Variants in MITF observed in about 807,000 individuals in gnomAD.
The protein encoded by MITF is melanocyte inducing transcription factor, also known as microphthalmia-associated transcription factor.
A neutral mutation model predicts 60.5 loss-of-function variants in MITF; 17 were observed. The observed-to-expected ratio is 0.28, with a 90% CI of 0.19 to 0.42. The LOEUF (loss-of-function observed/expected upper bound fraction) is 0.42. MITF is among the 10% of genes least tolerant of loss of function. The pLI, the probability that MITF is intolerant of heterozygous loss-of-function variation, is 1.00. For synonymous variants in MITF, 260 were observed against 248.5 expected, an observed-to-expected ratio of 1.05 and a Z score of -0.43; for missense variants, 622 against 683.5, an observed-to-expected ratio of 0.91 and a Z score of 1.00.
rs187732055 is a variant in MITF, at chr3:69,945,783, C to G, written c.763-3268C>G. Among the ~76,000 whole-genome samples the G allele has an allele frequency of 1.8e-4, 28 of 152,284 alleles. 1 individual carries two copies. In the South Asian group the frequency reaches 2.1e-3, roughly 11 times the overall value. On this transcript the variant is annotated intron_variant, in intron 5 of 9. Coordinates refer to ENST00000352241, the MANE Select transcript of MITF (RefSeq NM_001354604.2). ...GCCTTCACCCACTGGATGCCAGCAG[C>G]AAATCCCCTGCAGGTGCATCAACTG...
intron 1 of MITF, among the ~76,000 whole-genome samples, chr3:69,870,169 A>T (rs1314110904): frequency 1.3e-4 from 19 of 151,074 alleles, no homozygotes; most frequent in Admixed American, 5.3e-4. Context: ...AGGCAAAAAA[A>T]AAAAAGCCAG....
chr3:69,906,754 T>A (rs925969786), intron 2 of MITF, among the ~76,000 whole-genome samples: 1 of 152,164 alleles, frequency 6.6e-6, no homozygotes, highest in Admixed American at 6.5e-5. Context: ...GTAGGATCTG[T>A]CCAGGACTAT....
chr3:69,876,200 T>C (rs1029275326), intron 1 of MITF, among the ~76,000 whole-genome samples: 8 of 152,204 alleles, frequency 5.3e-5, no homozygotes, highest in East Asian at 1.9e-4. Flanking sequence ...TTACTGTTAA[T>C]TGAAAGGATT....
intron 7 of MITF, among the ~76,000 whole-genome samples, chr3:69,955,310 A>G (rs1246796981): frequency 6.6e-6 from 1 of 152,206 alleles, no homozygotes; most frequent in Non-Finnish European, 1.5e-5. Flanking sequence ...GTAAATGTTT[A>G]CGTTGATTGC....
chr3:69,929,383 C>CTGGGG (rs1254522987), intron 2 of MITF, among the ~76,000 whole-genome samples: 1 of 151,994 alleles, frequency 6.6e-6, no homozygotes, highest in Non-Finnish European at 1.5e-5. Context: ...GGTAATGCTC[C>CTGGGG]TGGGGTGGGG....
chr3:69,938,339 C>T, intron 3 of MITF: 1 of 1,567,978 alleles, frequency 6.4e-7, no homozygotes, highest in Non-Finnish European at 8.7e-7. Flanking sequence ...CTCTTCTCTT[C>T]CATGCCTTTC....
At chr3:69,904,575 A>G (rs181266032) in intron 2 of MITF, among the ~76,000 whole-genome samples, 28 of 152,242 alleles carry the variant, frequency 1.8e-4, no homozygotes, top group African/African-American at 6.7e-4. Context: ...TCTCTCCTCC[A>G]ATCTCTACTC....
intron 1 of MITF, among the ~76,000 whole-genome samples, chr3:69,849,828 C>G (rs1458904395): frequency 3.3e-5 from 5 of 152,306 alleles, no homozygotes; most frequent in Non-Finnish European, 5.9e-5. Context: ...TCCATCATCC[C>G]TGTTTCTTTG....
chr3:69,965,226 A>G lies in MITF; in HGVS notation c.1559A>G (p.Glu520Gly). The change falls in exon 10 of 10, where the codon GAA becomes GGA. Residue 520 changes from glutamate to glycine, a missense_variant. Glu to Gly is a moderately conservative substitution (Grantham distance 98, BLOSUM62 -2). Around this residue, in one of 5 missense-constraint regions of MITF, gnomAD observed 224 missense variants for 209.5 expected, o/e 1.07. Coordinates refer to ENST00000352241, the MANE Select transcript of MITF (RefSeq NM_001354604.2). ...AGCCGGAGGAGCAGTATGAGCATGG[A>G]AGAGACGGAGCACACTTGTTAGCGA... ...TSSRRSSMSM[E>G]ETEHTC The G allele has an allele frequency of 6.2e-7, 1 of 1,613,942 alleles. No individual in the cohort carries two copies. Among genetic ancestry groups the G allele is most frequent in the Non-Finnish European group, 8.5e-7 (1 of 1,179,842 alleles).
intron 1 of MITF, among the ~76,000 whole-genome samples, chr3:69,861,423 A>AG (rs1387531727): frequency 6.6e-6 from 1 of 152,244 alleles, no homozygotes; most frequent in African/African-American, 2.4e-5. Flanking sequence ...AAAAGAAAGA[A>AG]GCTTGCTTCA....
chr3:69,762,346 CAAT>C (rs527306910), intron 1 of MITF, among the ~76,000 whole-genome samples: 2 of 151,848 alleles, frequency 1.3e-5, no homozygotes, highest in Non-Finnish European at 2.9e-5. Context: ...GAAAGAAAAA[CAAT>C]AATAAGAAAA....
chr3:69,778,468 G>T (rs913308503), intron 1 of MITF, among the ~76,000 whole-genome samples: 1 of 152,152 alleles, frequency 6.6e-6, no homozygotes, highest in Middle Eastern at 3.2e-3. Context: ...AAGAAGCCCA[G>T]GGCTCTGTAA....
chr3:69,755,646 G>A lies in MITF; in HGVS notation c.104+15945G>A, dbSNP rs575882365. Among the ~76,000 whole-genome samples, 3 of 151,920 alleles carry A rather than the reference G, an allele frequency of 2.0e-5. No homozygotes were observed. The South Asian group carries it at 6.2e-4, about 32-fold the overall frequency. Reference sequence around the variant, plus strand: ...ATAAAGGGGAAAAAAAAAGCAGAAAGGGGGGTTAGTCCAAATAGTATCCAT... The same window carrying A: ...ATAAAGGGGAAAAAAAAAGCAGAAAAGGGGGTTAGTCCAAATAGTATCCAT... On this transcript the variant is annotated intron_variant, in intron 1 of 9. Transcript: ENST00000352241.
intron 1 of MITF, among the ~76,000 whole-genome samples, chr3:69,834,253 G>C (rs541794043): frequency 4.6e-5 from 7 of 152,136 alleles, no homozygotes; most frequent in Non-Finnish European, 8.8e-5. Context: ...TAGAACACCA[G>C]AAGTTATTCC....
At chr3:69,824,960 T>C (rs1010947370) in intron 1 of MITF, among the ~76,000 whole-genome samples, 7 of 152,354 alleles carry the variant, frequency 4.6e-5, no homozygotes, top group African/African-American at 1.7e-4. Flanking sequence ...TTGGGCCCTG[T>C]ATCTCTGTCT....
chr3:69,860,423 C>T (rs940216804), intron 1 of MITF, among the ~76,000 whole-genome samples: 166 of 152,074 alleles, frequency 1.1e-3, no homozygotes, highest in African/African-American at 3.9e-3. Flanking sequence ...TGAAACCCCC[C>T]GTGTCTACTA....
At chr3:69,822,047 C>G (rs1470851592) in intron 1 of MITF, among the ~76,000 whole-genome samples, 1 of 152,160 alleles carries the variant, frequency 6.6e-6, no homozygotes, top group Non-Finnish European at 1.5e-5. Flanking sequence ...CCAGCCCAAA[C>G]TGGATTTTCT....
chr3:69,937,365 GGTGTGTGTGTGTGT>G (rs56689910), intron 2 of MITF, among the ~76,000 whole-genome samples: 7 of 142,204 alleles, frequency 4.9e-5, no homozygotes, highest in South Asian at 4.7e-4. Context: ...TTCTTAAGGA[GGTGTGTGTGTGTGT>G]GTGTGTGTGT....
chr3:69,910,383 T>G (rs1168947766), intron 2 of MITF, among the ~76,000 whole-genome samples: 3 of 152,174 alleles, frequency 2.0e-5, no homozygotes, highest in African/African-American at 7.2e-5. Context: ...AATGTGGGGT[T>G]GGAGCCCCCA....
Sources: allele counts gnomAD v4.1 joint callset (sites outside exome capture counted in the v4.1 genomes callset), GRCh38; gene constraint gnomAD v4.1.1; regional missense constraint gnomAD v4.1.1; transcripts MANE v1.5; gene names NCBI Gene and HGNC (gene_info 2026-07-23, HGNC 2026-07-21).